The following TSPAN18 variants were observed in gnomAD, a reference collection of about 807,000 sequenced individuals.
TSPAN18 encodes tetraspanin-18.
In TSPAN18, 14 loss-of-function variants were observed where a neutral mutation model predicts 27.3. The ratio of observed to expected loss-of-function variants is 0.51; its 90% confidence interval spans 0.34 to 0.80. The LOEUF (loss-of-function observed/expected upper bound fraction) is 0.80, where lower values mean the gene tolerates loss of function less well. Among genes scored for constraint, TSPAN18 ranks in the 30% least tolerant of loss-of-function variants. The pLI is 0.01. For missense variants in TSPAN18, 268 were observed against 323.9 expected (o/e 0.83, Z 1.32); for synonymous variants, 143 against 136.5 (o/e 1.05, Z -0.33).
chr11:44,804,965 GAGA>G (rs1219619243), intron 2 of TSPAN18, among the ~76,000 whole-genome samples: 3 of 152,236 alleles, frequency 2.0e-5, no homozygotes, highest in Admixed American at 1.3e-4. Context: ...GGAGGATGCA[GAGA>G]AGAAGTCAGT....
At chr11:44,901,403 C>T (rs2135311978) in intron 3 of TSPAN18, 1 of 152,388 alleles carries the variant, frequency 6.6e-6, no homozygotes, top group South Asian at 2.1e-4. Flanking sequence ...GCTAAAGAGC[C>T]AGAGCCGGCT....
intron 4 of TSPAN18, among the ~76,000 whole-genome samples, chr11:44,909,287 G>A (rs1438364387): frequency 2.0e-5 from 3 of 151,926 alleles, no homozygotes; most frequent in Admixed American, 1.3e-4. Context: ...GGGGGCCTGC[G>A]ACCAAACTCT....
At chr11:44,775,258 TTA>T (rs1399563295) in intron 2 of TSPAN18, among the ~76,000 whole-genome samples, 4 of 152,212 alleles carry the variant, frequency 2.6e-5, no homozygotes, top group Non-Finnish European at 4.4e-5. Flanking sequence ...CACTGAAAGA[TTA>T]TTTGTTGTTT....
intron 3 of TSPAN18, among the ~76,000 whole-genome samples, chr11:44,864,286 CAAAAAAA>C (rs34906166): frequency 1.1e-5 from 1 of 92,104 alleles, no homozygotes; most frequent in Non-Finnish European, 2.0e-5. Flanking sequence ...GACTCCGTCT[CAAAAAAA>C]AAAAAAAAAA....
At chr11:44,798,853 C>T (rs1461397023) in intron 2 of TSPAN18, among the ~76,000 whole-genome samples, 1 of 152,164 alleles carries the variant, frequency 6.6e-6, no homozygotes, top group Non-Finnish European at 1.5e-5. Flanking sequence ...TTGTATTCAG[C>T]CCTGTCCAGG....
At chr11:44,804,380 C>T (rs1014286838) in intron 2 of TSPAN18, among the ~76,000 whole-genome samples, 3 of 152,226 alleles carry the variant, frequency 2.0e-5, no homozygotes, top group East Asian at 1.9e-4. Context: ...CGTAAGCCAC[C>T]GCGCCCAGCC....
chr11:44,897,621 G>C, intron 3 of TSPAN18: 1 of 475,600 alleles, frequency 2.1e-6, no homozygotes, highest in Non-Finnish European at 3.7e-6. Flanking sequence ...AGCTCTAATG[G>C]GCCCAGATTA....
At chr11:44,845,934 A>G (rs1857471009) in intron 2 of TSPAN18, among the ~76,000 whole-genome samples, 2 of 152,226 alleles carry the variant, frequency 1.3e-5, no homozygotes, top group Admixed American at 1.3e-4. Context: ...GTGGAGAGCA[A>G]AGCATCAGCT....
rs1225254211 is a variant in TSPAN18 at position 44,727,007 on chromosome 11, G to A, written c.-520G>A. On this transcript the variant is annotated 5_prime_UTR_variant, in exon 1 of 10. Transcript: ENST00000520358. ...GGCTCCAGGCTGCGGGGCGGACGTA[G>A]CGCCGAGCGATCCACCGCGGAGCCG... 1 of 140,818 alleles carries A rather than the reference G, an allele frequency of 7.1e-6. No individual in the cohort carries two copies. The highest frequency in any genetic ancestry group is 1.6e-5 in the Non-Finnish European group (1 of 62,612). 8.7% of individuals were successfully genotyped at this position (140,818 alleles called of 1,614,324 possible).
rs80108754 is a variant in TSPAN18, at chr11:44,739,060, G to A, written c.-240+11773G>A. ...TTGTTTCTTAACAGCAGGGTTGGGAGGAAATCAGGATCCAGGGGTCTTGGT... is the reference window on the plus strand; with the variant it reads ...TTGTTTCTTAACAGCAGGGTTGGGAAGAAATCAGGATCCAGGGGTCTTGGT... On this transcript the variant is annotated intron_variant, in intron 1 of 9. Coordinates refer to ENST00000520358, the MANE Select transcript of TSPAN18 (RefSeq NM_130783.5). 6.9e-4 allele frequency among the ~76,000 whole-genome samples: 105 copies of A among 152,290 alleles called. No individual in the cohort carries two copies. The East Asian group carries it at 0.018, about 25-fold the overall frequency.
intron 5 of TSPAN18, among the ~76,000 whole-genome samples, chr11:44,912,447 C>G (rs928841106): frequency 6.6e-6 from 1 of 152,034 alleles, no homozygotes; most frequent in African/African-American, 2.4e-5. Context: ...TAGGGCCCCG[C>G]CCACACAAGC....
intron 1 of TSPAN18, among the ~76,000 whole-genome samples, chr11:44,759,076 C>T (rs1380486030): frequency 6.6e-6 from 1 of 152,254 alleles, no homozygotes; most frequent in African/African-American, 2.4e-5. Context: ...CCATCAGCAG[C>T]TGTCCTTCTG....
intron 2 of TSPAN18, among the ~76,000 whole-genome samples, chr11:44,807,161 C>T (rs1489225843): frequency 7.5e-6 from 1 of 132,780 alleles, no homozygotes; most frequent in African/African-American, 3.0e-5. Context: ...AATTGGCACC[C>T]AGCCTGGCTA....
At position 44,930,951 on chromosome 11, in the gene TSPAN18, C is replaced by CGGAGCCACAGCCT. The variant is rs1490601345; in HGVS notation, c.*1774_*1786dup. The CGGAGCCACAGCCT allele has an allele frequency of 2.0e-6, 1 of 509,630 alleles. No individual in the cohort carries two copies. The allele number at this position is 509,630 out of a possible 1,614,324, so 31.6% of individuals were successfully genotyped here. A position where few individuals can be genotyped will look rare whatever the true frequency, so the allele number is the denominator to read the frequency against. On this transcript the variant is annotated 3_prime_UTR_variant, in exon 10 of 10. Coordinates refer to ENST00000520358, the MANE Select transcript of TSPAN18 (RefSeq NM_130783.5). ...AGGCTTTCCAGTCACCAGGGACACT[C>CGGAGCCACAGCCT]GGAGCCACAGCCTAGAGCCCCGTGT...
intron 2 of TSPAN18, among the ~76,000 whole-genome samples, chr11:44,820,471 T>G (rs967845111): frequency 1.3e-5 from 2 of 152,212 alleles, no homozygotes; most frequent in African/African-American, 2.4e-5. Flanking sequence ...TTGCAATAGA[T>G]GAGACTGTGG....
Position 44,835,047 on chromosome 11 carries a change from G to A in TSPAN18, c.-152-25281G>A, listed in dbSNP as rs1006693882. On this transcript the variant is annotated intron_variant, in intron 2 of 9. Coordinates refer to ENST00000520358, the MANE Select transcript of TSPAN18 (RefSeq NM_130783.5). ...GACATTGGCTAAGGGCCACCCTGAGGGTGGGGGAGGGATGGAATCTTCCGG... is the reference window on the plus strand; with the variant it reads ...GACATTGGCTAAGGGCCACCCTGAGAGTGGGGGAGGGATGGAATCTTCCGG... Among the ~76,000 whole-genome samples, 38 of 152,192 alleles carry A rather than the reference G, an allele frequency of 2.5e-4. 1 individual carries two copies. Among genetic ancestry groups the A allele is most frequent in the African/African-American group, 9.2e-4 (38 of 41,452 alleles).
In TSPAN18 at chr11:44,801,571, G is replaced by GA. The variant is rs1388275430; in HGVS notation, c.-153+37066dup. ...TTGGTGGGGAATCATGGGAAAAAATGAAAAAAATATCTTCATAAGTTAGCA... is the reference window on the plus strand; with the variant it reads ...TTGGTGGGGAATCATGGGAAAAAATGAAAAAAAATATCTTCATAAGTTAGCA... On this transcript the variant is annotated intron_variant, in intron 2 of 9. Coordinates refer to ENST00000520358, the MANE Select transcript of TSPAN18 (RefSeq NM_130783.5). 3.9e-5 allele frequency among the ~76,000 whole-genome samples: 6 copies of GA among 152,060 alleles called. No individual in the cohort carries two copies. The South Asian group carries it at 1.2e-3, about 32-fold the overall frequency.
At chr11:44,918,204 G>A (rs1298410324) in intron 6 of TSPAN18, among the ~76,000 whole-genome samples, 158 bp downstream of exon 6, 1 of 152,188 alleles carries the variant, frequency 6.6e-6, no homozygotes, top group African/African-American at 2.4e-5. Context: ...GCCTGGCAAG[G>A]CCCCGCAGAC....
chr11:44,811,529 G>A (rs868685747), intron 2 of TSPAN18, among the ~76,000 whole-genome samples: 2 of 150,890 alleles, frequency 1.3e-5, no homozygotes, highest in African/African-American at 2.4e-5. Context: ...GCACAATCTC[G>A]GCTCACTGCA....
Sources: allele counts gnomAD v4.1 joint callset (sites outside exome capture counted in the v4.1 genomes callset), GRCh38; gene constraint gnomAD v4.1.1; transcripts MANE v1.5; gene names NCBI Gene and HGNC (gene_info 2026-07-23, HGNC 2026-07-21).